The following RTTN variants were observed in gnomAD, a reference collection of about 807,000 sequenced individuals.
RTTN encodes rotatin.
RTTN carries 182 observed loss-of-function variants against 269.2 expected under a neutral mutation model. The ratio of observed to expected loss-of-function variants is 0.68; its 90% confidence interval spans 0.60 to 0.76. The LOEUF is 0.76. RTTN is among the 30% of genes least tolerant of loss of function. RTTN has a pLI of 0.00. For missense variants in RTTN, 2,545 were observed against 2,608.6 expected (o/e 0.98, Z 0.53); for synonymous variants, 1,006 against 963.5 (o/e 1.04, Z -0.82).
chr18:70,131,783 AAAAG>A lies in RTTN; in HGVS notation c.2954+2686_2954+2689del, dbSNP rs562669028. 127 of 152,078 alleles carry A rather than the reference AAAAG, an allele frequency of 8.4e-4. 1 individual carries two copies. Among genetic ancestry groups the A allele is most frequent in the African/African-American group, 2.9e-3 (121 of 41,554 alleles). The allele number at this position is 152,078 out of a possible 1,614,324, so 9.4% of individuals were successfully genotyped here. ...ATTAATCAAGAAAAGCCAGAGAGGA[AAAAG>A]AAAGAAAAAAACCACATTGGACAAA... On this transcript the variant is annotated intron_variant, in intron 23 of 48. Transcript: ENST00000640769.
At chr18:70,128,651 T>C in intron 23 of RTTN, 105 bp from the exon 24 acceptor site, 2 of 797,372 alleles carry the variant, frequency 2.5e-6, no homozygotes, top group Non-Finnish European at 4.1e-6. Context: ...CAACCCACAA[T>C]AATGCAAAGG....
In RTTN at chr18:70,056,152, G is replaced by T. The variant is rs142207270; in HGVS notation, c.5031+1590C>A. On this transcript the variant is annotated intron_variant, in intron 37 of 48. Coordinates refer to ENST00000640769, the MANE Select transcript of RTTN (RefSeq NM_173630.4). ...GTGAGGAGAGATGCTCATCTGCTTT[G>T]TTCAAGGATATATCACTAGCACCTA... 3.2e-3 allele frequency among the ~76,000 whole-genome samples: 490 copies of T among 152,308 alleles called. 4 individuals are homozygous for T. The highest frequency in any genetic ancestry group is 0.026 in the East Asian group (133 of 5,182).
chr18:70,162,127 G>T (rs1355046005), intron 14 of RTTN, among the ~76,000 whole-genome samples: 1 of 152,088 alleles, frequency 6.6e-6, no homozygotes, highest in Non-Finnish European at 1.5e-5. Context: ...ATCAACAGTG[G>T]ATTGGATAAA....
At chr18:70,093,726 C>A (rs2058917989) in intron 28 of RTTN, among the ~76,000 whole-genome samples, 1 of 152,124 alleles carries the variant, frequency 6.6e-6, no homozygotes, top group Non-Finnish European at 1.5e-5. Context: ...GAGGATTTTG[C>A]ATTGATGTTC....
intron 28 of RTTN, among the ~76,000 whole-genome samples, chr18:70,103,259 G>C (rs772235243): frequency 2.0e-5 from 3 of 152,180 alleles, no homozygotes; most frequent in Non-Finnish European, 4.4e-5. Context: ...CAGCTCTGAA[G>C]AGACAGCGAC....
At chr18:70,184,719 TGTGTG>T in intron 10 of RTTN, among the ~76,000 whole-genome samples, 5 of 95,002 alleles carry the variant, frequency 5.3e-5, no homozygotes, top group African/African-American at 2.4e-4. Flanking sequence ...TTTTTTTTTG[TGTGTG>T]TGTGTGTGTG....
At chr18:70,141,702 T>C (rs1315401539) in intron 19 of RTTN, among the ~76,000 whole-genome samples, 1 of 152,094 alleles carries the variant, frequency 6.6e-6, no homozygotes, top group African/African-American at 2.4e-5. Context: ...CAAACCAACA[T>C]GGCACATGTA....
intron 32 of RTTN, among the ~76,000 whole-genome samples, chr18:70,078,698 G>GTTA (rs2058488529): frequency 6.6e-6 from 1 of 152,052 alleles, no homozygotes; most frequent in Non-Finnish European, 1.5e-5. Context: ...CCCACTAAGT[G>GTTA]TCTCTGTAGT....
At chr18:70,046,043 T>C (rs907325733) in intron 40 of RTTN, among the ~76,000 whole-genome samples, 1 of 151,778 alleles carries the variant, frequency 6.6e-6, no homozygotes. Context: ...ATTTCACAAA[T>C]TCCTCTAGCA....
chr18:70,045,872 A>G (rs2057476361), intron 40 of RTTN, among the ~76,000 whole-genome samples: 1 of 152,246 alleles, frequency 6.6e-6, no homozygotes, highest in Non-Finnish European at 1.5e-5. Context: ...TTAGAGAAAT[A>G]AAGAGGAAAA....
intron 14 of RTTN, among the ~76,000 whole-genome samples, chr18:70,154,340 T>C (rs1263373780): frequency 2.0e-5 from 3 of 152,112 alleles, no homozygotes; most frequent in Non-Finnish European, 4.4e-5. Context: ...AATGATCATA[T>C]ACATCAATAA....
rs200125957 is a variant in RTTN at position 70,201,881 on chromosome 18, G to C, written c.487+13C>G. The C allele has an allele frequency of 3.8e-5, 59 of 1,543,886 alleles. No homozygotes were observed. The highest frequency in any genetic ancestry group is 4.9e-5 in the Non-Finnish European group (55 of 1,122,376). On this transcript the variant is annotated intron_variant, in intron 4 of 48. Transcript: ENST00000640769. ...CCCAAGTCAACAGGATTTACTTCCC[G>C]ACATATACACACCCACTGGTCGTGG...
chr18:70,015,684 G>A (rs139928016), intron 46 of RTTN, among the ~76,000 whole-genome samples: 77 of 152,248 alleles, frequency 5.1e-4, no homozygotes, highest in African/African-American at 1.8e-3. Flanking sequence ...GCTAATGAAG[G>A]AGAAAAAGCA....
chr18:70,088,238 T>TA (rs754066989), intron 30 of RTTN, 91 bp from the exon 31 acceptor site: 17 of 1,197,608 alleles, frequency 1.4e-5, no homozygotes, highest in Non-Finnish European at 1.4e-5. Flanking sequence ...TATCACACTT[T>TA]AAAAAAATCC....
At chr18:70,050,424 A>T (rs534271408) in intron 39 of RTTN, among the ~76,000 whole-genome samples, 212 of 152,332 alleles carry the variant, frequency 1.4e-3, no homozygotes, top group African/African-American at 4.9e-3. Flanking sequence ...AGGAAACAAC[A>T]GATGCTGGCG....
chr18:70,108,262 G>A (rs1056844725), intron 28 of RTTN, among the ~76,000 whole-genome samples: 5 of 140,676 alleles, frequency 3.6e-5, no homozygotes, highest in African/African-American at 1.2e-4. Flanking sequence ...GGGCAACAGA[G>A]CAAGACTCTG....
intron 11 of RTTN, among the ~76,000 whole-genome samples, chr18:70,170,981 GC>G (rs1392027801): frequency 6.6e-6 from 1 of 152,082 alleles, no homozygotes; most frequent in Non-Finnish European, 1.5e-5. Flanking sequence ...ACCGAGACAG[GC>G]AAGACTATAG....
At chr18:70,074,996 C>T (rs11151563) in intron 33 of RTTN, 124,500 of 154,232 alleles carry the variant, frequency 0.81, 54,692 homozygotes, top group East Asian at 1. Context: ...GAGACGTTAA[C>T]AGAGAAAGAA....
chr18:70,193,193 A>AAG, intron 8 of RTTN, 95 bp downstream of exon 8: 1 of 1,257,952 alleles, frequency 7.9e-7, no homozygotes, highest in South Asian at 1.5e-5. Flanking sequence ...AAAAAAAAAA[A>AAG]AAAGGACAGA....
Sources: gnomAD v4.1 joint callset for allele counts (sites outside exome capture counted in the v4.1 genomes callset) on GRCh38, gnomAD v4.1.1 for gene constraint, MANE v1.5 for transcripts, NCBI Gene and HGNC (gene_info 2026-07-23, HGNC 2026-07-21) for gene names.